FAM193A: variants seen among roughly 807,000 people sequenced by gnomAD.
The protein encoded by FAM193A is protein FAM193A.
FAM193A carries 22 observed loss-of-function variants against 126.5 expected under a neutral mutation model. That is an observed-to-expected ratio of 0.17 (90% confidence interval 0.12 to 0.25). The LOEUF is 0.25. FAM193A is among the 10% of genes least tolerant of loss of function. The pLI, the probability that FAM193A is intolerant of heterozygous loss-of-function variation, is 1.00. For synonymous variants in FAM193A, 761 were observed against 646.8 expected (o/e 1.18, Z -2.68); for missense variants, 1,675 against 1,672.8 (o/e 1.00, Z -0.02).
At chr4:2,600,810 C>G (rs149965574) in intron 2 of FAM193A, among the ~76,000 whole-genome samples, 378 of 152,336 alleles carry the variant, frequency 2.5e-3, no homozygotes, top group African/African-American at 8.0e-3. Context: ...AATGCAAATA[C>G]TCTGGGGCTA....
At chr4:2,696,298 G>A (rs918658019) in intron 17 of FAM193A, 65 bp from the exon 18 acceptor site, 2 of 1,035,730 alleles carry the variant, frequency 1.9e-6, no homozygotes, top group Non-Finnish European at 2.9e-6. Context: ...TTTTGGAGGT[G>A]TGGTCTGAAA....
chr4:2,708,563 A>T (rs1279579611), intron 19 of FAM193A, among the ~76,000 whole-genome samples: 1 of 151,568 alleles, frequency 6.6e-6, no homozygotes, highest in Non-Finnish European at 1.5e-5. Flanking sequence ...TCTGGGTTCA[A>T]GCGATTTTCC....
At chr4:2,660,284 A>T (rs1052189961) in intron 10 of FAM193A, among the ~76,000 whole-genome samples, 4 of 152,250 alleles carry the variant, frequency 2.6e-5, no homozygotes, top group African/African-American at 9.6e-5. Context: ...CCAGTAAAGA[A>T]AAAACATGTT....
intron 6 of FAM193A, among the ~76,000 whole-genome samples, chr4:2,643,340 C>G (rs1398178862): frequency 6.7e-6 from 1 of 148,698 alleles, no homozygotes; most frequent in East Asian, 1.9e-4. Context: ...CTATGAAATA[C>G]ATATGGTACA....
chr4:2,537,375 T>TACA (rs1221448962), intron 1 of FAM193A, among the ~76,000 whole-genome samples: 4 of 152,184 alleles, frequency 2.6e-5, no homozygotes, highest in Admixed American at 1.3e-4. Context: ...ACGCGGCCTC[T>TACA]GTCAGCCTCT....
intron 2 of FAM193A, among the ~76,000 whole-genome samples, chr4:2,609,706 G>A (rs530029626): frequency 1.3e-5 from 2 of 152,276 alleles, no homozygotes; most frequent in South Asian, 4.1e-4. Context: ...GAGGCGGGTG[G>A]ATCATGAGGT....
Position 2,700,164 on chromosome 4 carries a change from A to C in FAM193A, c.3992A>C (p.His1331Pro), listed in dbSNP as rs376338025. ...TTTTTCTTCGACATCATGCAGCACCATAAAGAAGGAAATGGCAAGCAGAAG... is the reference window on the plus strand; with the variant it reads ...TTTTTCTTCGACATCATGCAGCACCCTAAAGAAGGAAATGGCAAGCAGAAG... ...LSFFFDIMQH[H>P]KEGNGKQKLR... is the part of the protein sequence containing the mutation. Residue 1331 changes from histidine (H) to proline (P), a missense_variant, in exon 19 of 21, where the codon CAT (histidine) becomes CCT (proline). By Grantham distance (77) the His-to-Pro change is moderately conservative (BLOSUM62 -2). Around this residue, in one of 4 missense-constraint regions of FAM193A, gnomAD observed 415 missense variants for 396.7 expected, o/e 1.05. Transcript: ENST00000637812. 1 of 1,613,678 alleles carries C rather than the reference A, an allele frequency of 6.2e-7. No homozygotes were observed. Among genetic ancestry groups the C allele is most frequent in the East Asian group, 2.2e-5 (1 of 44,804 alleles).
chr4:2,544,312 C>G (rs906697206), intron 1 of FAM193A, among the ~76,000 whole-genome samples: 2 of 152,162 alleles, frequency 1.3e-5, no homozygotes, highest in Non-Finnish European at 1.5e-5. Flanking sequence ...ATGATCCCAG[C>G]ACTTTGGAAG....
At chr4:2,582,434 G>C (rs1399061640) in intron 1 of FAM193A, among the ~76,000 whole-genome samples, 1 of 152,092 alleles carries the variant, frequency 6.6e-6, no homozygotes, top group Non-Finnish European at 1.5e-5. Flanking sequence ...ATCGTACTTG[G>C]TCAGTGTTTA....
intron 2 of FAM193A, among the ~76,000 whole-genome samples, chr4:2,597,367 C>G (rs917492818): frequency 6.6e-6 from 1 of 152,046 alleles, no homozygotes; most frequent in Admixed American, 6.6e-5. Context: ...TTTACCAATA[C>G]CATTTTCTTT....
At chr4:2,545,213 G>C (rs1202325082) in intron 1 of FAM193A, among the ~76,000 whole-genome samples, 1 of 152,176 alleles carries the variant, frequency 6.6e-6, no homozygotes, top group Non-Finnish European at 1.5e-5. Context: ...GGCTGGCCTT[G>C]AACTCCTGAC....
intron 1 of FAM193A, among the ~76,000 whole-genome samples, chr4:2,559,822 G>A (rs1179341255): frequency 6.6e-6 from 1 of 152,168 alleles, no homozygotes; most frequent in Non-Finnish European, 1.5e-5. Context: ...CTTTTGCCTT[G>A]CTGTTCCACT....
At chr4:2,595,255 C>T (rs139759505) in intron 1 of FAM193A, among the ~76,000 whole-genome samples, 30 of 152,300 alleles carry the variant, frequency 2.0e-4, no homozygotes, top group African/African-American at 7.2e-4. Flanking sequence ...TGCTATGTTA[C>T]TGAGGCTGGT....
intron 5 of FAM193A, among the ~76,000 whole-genome samples, chr4:2,633,721 G>T (rs189757514): frequency 6.6e-6 from 1 of 151,918 alleles, no homozygotes. Flanking sequence ...ATGAAACCCC[G>T]TCTCTACTAA....
upstream of FAM193A, among the ~76,000 whole-genome samples, chr4:2,536,434 C>A (rs905692499): frequency 6.6e-6 from 1 of 151,998 alleles, no homozygotes; most frequent in South Asian, 2.1e-4. Flanking sequence ...TCGTGGTCCA[C>A]CCCCGGGTAC....
At chr4:2,704,465 C>T (rs1157230325) in intron 19 of FAM193A, among the ~76,000 whole-genome samples, 11 of 151,028 alleles carry the variant, frequency 7.3e-5, no homozygotes, top group Non-Finnish European at 5.9e-5. Flanking sequence ...CTGGAGACAC[C>T]GATGCAGGAG....
At chr4:2,723,306 C>A (rs1165169433) in intron 20 of FAM193A, among the ~76,000 whole-genome samples, 7 of 146,322 alleles carry the variant, frequency 4.8e-5, no homozygotes, top group Non-Finnish European at 1.0e-4. Flanking sequence ...AGGCCAGGCA[C>A]GGTGGCTCAT....
intron 1 of FAM193A, among the ~76,000 whole-genome samples, chr4:2,556,275 G>A (rs987967235): frequency 6.6e-6 from 1 of 151,774 alleles, no homozygotes; most frequent in Admixed American, 6.6e-5. Context: ...ACGCGATCTC[G>A]GCTCGCTGCA....
At chr4:2,605,655 C>T (rs137978100) in intron 2 of FAM193A, among the ~76,000 whole-genome samples, 1,902 of 152,256 alleles carry the variant, frequency 0.012, 21 homozygotes, top group Non-Finnish European at 0.018. Flanking sequence ...TAAATGAAAA[C>T]TATTTTCCAA....
Sources: allele counts gnomAD v4.1 joint callset (sites outside exome capture counted in the v4.1 genomes callset), GRCh38; gene constraint gnomAD v4.1.1; regional missense constraint gnomAD v4.1.1; transcripts MANE v1.5; gene names NCBI Gene and HGNC (gene_info 2026-07-23, HGNC 2026-07-21).